Variants in DCC observed in about 807,000 individuals in gnomAD.
The protein encoded by DCC is DCC netrin 1 receptor.
Under a neutral mutation model 172.5 loss-of-function variants are expected in DCC, and 58 were observed. The observed-to-expected ratio is 0.34, with a 90% CI of 0.27 to 0.42. The LOEUF is 0.42. DCC is among the 10% of genes least tolerant of loss of function. The probability of loss-of-function intolerance (pLI) is 1.00; values close to 1 mark genes in which losing one functional copy is unlikely to be tolerated. For synonymous variants in DCC, 709 were observed against 644.5 expected (o/e 1.10, Z -1.52); for missense variants, 1,740 against 1,791.0 (o/e 0.97, Z 0.51).
chr18:52,922,587 G>A (rs1032792516), intron 3 of DCC, among the ~76,000 whole-genome samples: 12 of 152,156 alleles, frequency 7.9e-5, no homozygotes, highest in African/African-American at 2.9e-4. Flanking sequence ...CCCACTGAAT[G>A]AATTTGGTTG....
chr18:53,377,390 G>GAGAGA (rs1907372825), intron 15 of DCC, among the ~76,000 whole-genome samples: 1 of 80,562 alleles, frequency 1.2e-5, no homozygotes, highest in South Asian at 5.6e-4. Context: ...AGAGAGAGAG[G>GAGAGA]AAGAAGGCCA....
At chr18:53,032,386 C>A (rs1333705395) in intron 5 of DCC, among the ~76,000 whole-genome samples, 1 of 152,128 alleles carries the variant, frequency 6.6e-6, no homozygotes, top group Non-Finnish European at 1.5e-5. Context: ...CAGCTCTTTG[C>A]ATGGAATACA....
At chr18:52,527,179 G>A (rs1267225101) in intron 1 of DCC, among the ~76,000 whole-genome samples, 2 of 152,146 alleles carry the variant, frequency 1.3e-5, no homozygotes, top group African/African-American at 4.8e-5. Flanking sequence ...ATTACTGAGA[G>A]GGGATATCAT....
Position 53,260,663 on chromosome 18 carries a change from A to T in DCC, c.1912-44915A>T, listed in dbSNP as rs186820154. ...TACTCGGGGGTCAGGGACCCACTTG[A>T]GGAGGCAGCCTGTCCATTGTCAGAT... On this transcript the variant is annotated intron_variant, in intron 12 of 28. Coordinates refer to ENST00000442544, the MANE Select transcript of DCC (RefSeq NM_005215.4). 1.3e-3 allele frequency among the ~76,000 whole-genome samples: 194 copies of T among 152,190 alleles called. 1 individual carries two copies. Among genetic ancestry groups the T allele is most frequent in the African/African-American group, 4.2e-3 (173 of 41,524 alleles).
intron 11 of DCC, among the ~76,000 whole-genome samples, chr18:53,213,548 T>C (rs1392163743): frequency 6.8e-6 from 1 of 146,604 alleles, no homozygotes; most frequent in African/African-American, 2.5e-5. Flanking sequence ...CTTGGGAGGC[T>C]GAGGCAGGAG....
chr18:52,675,505 C>T (rs532889146), intron 1 of DCC, among the ~76,000 whole-genome samples: 1 of 152,162 alleles, frequency 6.6e-6, no homozygotes, highest in African/African-American at 2.4e-5. Context: ...TAATTGAAGT[C>T]TCATGCCTCC....
At chr18:53,403,080 A>G (rs1156470096) in intron 19 of DCC, among the ~76,000 whole-genome samples, 187 bp downstream of exon 19, 34 of 5,654 alleles carry the variant, frequency 6.0e-3, no homozygotes, top group Middle Eastern at 0.083. Context: ...TGGTGCACAC[A>G]CACACACACA....
intron 1 of DCC, among the ~76,000 whole-genome samples, chr18:52,683,959 A>C (rs1192786494): frequency 6.6e-6 from 1 of 152,112 alleles, no homozygotes; most frequent in Non-Finnish European, 1.5e-5. Flanking sequence ...TTATCTTAGG[A>C]ACCTCTAGTT....
Position 52,373,888 on chromosome 18 carries a change from AT to A in DCC, c.91+33032del, listed in dbSNP as rs1296846491. 9.1e-3 allele frequency among the ~76,000 whole-genome samples: 1,164 copies of A among 127,286 alleles called. 3 individuals are homozygous for A. The highest frequency in any genetic ancestry group is 0.023 in the African/African-American group (749 of 33,224). The allele number at this position is 127,286 out of a possible 152,430, so 83.5% of individuals were successfully genotyped here. A position where few individuals can be genotyped will look rare whatever the true frequency, so the allele number is the denominator to read the frequency against. On this transcript the variant is annotated intron_variant, in intron 1 of 28. Coordinates refer to ENST00000442544, the MANE Select transcript of DCC (RefSeq NM_005215.4). Reference sequence around the variant, plus strand: ...TCAATGAAGCATATTTGGTTGCATCATTTTTTTTTTTTTTTTTTTTTTGAGA... The same window carrying A: ...TCAATGAAGCATATTTGGTTGCATCATTTTTTTTTTTTTTTTTTTTTGAGA...
At chr18:53,501,658 C>T (rs751745240) in intron 27 of DCC, among the ~76,000 whole-genome samples, 75 of 152,202 alleles carry the variant, frequency 4.9e-4, no homozygotes, top group African/African-American at 1.4e-3. Flanking sequence ...AATGTTCTCT[C>T]GGCTTGCAAG....
At chr18:53,095,801 T>A (rs2144198164) in intron 7 of DCC, among the ~76,000 whole-genome samples, 1 of 151,758 alleles carries the variant, frequency 6.6e-6, no homozygotes, top group South Asian at 2.1e-4. Flanking sequence ...TCTTTTTTTT[T>A]TTTTTTTTGG....
At chr18:53,448,153 TGA>T (rs1912749854) in intron 22 of DCC, among the ~76,000 whole-genome samples, 3 of 151,738 alleles carry the variant, frequency 2.0e-5, no homozygotes, top group African/African-American at 7.3e-5. Flanking sequence ...TATTAAATTG[TGA>T]GAATAGGTTA....
chr18:53,422,840 T>C (rs1910707320), intron 21 of DCC, among the ~76,000 whole-genome samples: 1 of 152,148 alleles, frequency 6.6e-6, no homozygotes, highest in Non-Finnish European at 1.5e-5. Context: ...AAACCTCTTC[T>C]TACCCTATTA....
At chr18:53,188,368 G>A (rs2055317212) in intron 9 of DCC, among the ~76,000 whole-genome samples, 1 of 152,150 alleles carries the variant, frequency 6.6e-6, no homozygotes. Context: ...ATAAGCAAAA[G>A]ATCTGTGTTC....
intron 5 of DCC, among the ~76,000 whole-genome samples, chr18:53,048,200 C>T (rs2042284130): frequency 6.6e-6 from 1 of 151,570 alleles, no homozygotes; most frequent in African/African-American, 2.4e-5. Flanking sequence ...GTTTGTTTTA[C>T]AGGTTATTTC....
chr18:53,111,535 T>C (rs2043332222), intron 7 of DCC, among the ~76,000 whole-genome samples: 1 of 151,496 alleles, frequency 6.6e-6, no homozygotes, highest in South Asian at 2.1e-4. Context: ...TCCACTCTGA[T>C]ATCCCTGCTT....
intron 21 of DCC, 143 bp from the exon 22 acceptor site, chr18:53,435,001 G>A: frequency 1.4e-6 from 1 of 712,874 alleles, no homozygotes; most frequent in Non-Finnish European, 2.5e-6. Flanking sequence ...TCTTATAGGT[G>A]TAAGGGTATG....
chr18:52,533,395 G>A (rs1451349667), intron 1 of DCC, among the ~76,000 whole-genome samples: 1 of 152,088 alleles, frequency 6.6e-6, no homozygotes, highest in Non-Finnish European at 1.5e-5. Flanking sequence ...GCCCTTTGAT[G>A]TGCCTGCCTT....
At position 53,220,095 on chromosome 18, in the gene DCC, C is replaced by T. The variant is rs934729677; in HGVS notation, c.1911+4498C>T. ...CTGAGTGAGTCATTTGCATATGACT[C>T]CTAGTGGGAAGGGAGGAGATGGGGA... On this transcript the variant is annotated intron_variant, in intron 12 of 28. Transcript: ENST00000442544. 2.6e-5 allele frequency among the ~76,000 whole-genome samples: 4 copies of T among 151,976 alleles called. 1 individual carries two copies. In the South Asian group the frequency reaches 6.2e-4, roughly 24 times the overall value.
Sources: allele counts gnomAD v4.1 joint callset (sites outside exome capture counted in the v4.1 genomes callset), GRCh38; gene constraint gnomAD v4.1.1; transcripts MANE v1.5; gene names NCBI Gene and HGNC (gene_info 2026-07-23, HGNC 2026-07-21).